The following IL13RA2 variants were observed in gnomAD, a reference collection of about 807,000 sequenced individuals.
IL13RA2 encodes the protein interleukin-13 receptor subunit alpha-2.
A neutral mutation model predicts 34.1 loss-of-function variants in IL13RA2; 25 were observed. The ratio of observed to expected loss-of-function variants is 0.73; its 90% CI spans 0.53 to 1.03. The LOEUF is 1.03. IL13RA2 is among the 50% of genes least tolerant of loss of function. The probability of loss-of-function intolerance (pLI) is 0.00; values close to 1 mark genes in which losing one functional copy is unlikely to be tolerated. For synonymous variants in IL13RA2, 106 were observed against 100.4 expected (o/e 1.06, Z -0.33); for missense variants, 297 against 280.9 (o/e 1.06, Z -0.41).
intron 4 of IL13RA2, 29 bp from the exon 5 acceptor site, chrX:115,013,918 GA>G: frequency 1.0e-6 from 1 of 981,839 alleles, no homozygotes. Context: ...GTGAATGTTT[GA>G]AAGGCTTGGT....
At chrX:115,013,732 T>G in intron 5 of IL13RA2, 37 bp downstream of exon 5, 1 of 798,477 alleles carries the variant, frequency 1.3e-6, no homozygotes, top group Non-Finnish European at 1.9e-6. Flanking sequence ...TGAGTAGACA[T>G]TTTTTAATAT....
At chrX:115,005,634 A>G (rs2071682594) in intron 8 of IL13RA2, among the ~76,000 whole-genome samples, 1 of 112,092 alleles carries the variant, frequency 8.9e-6, no homozygotes, top group African/African-American at 3.2e-5. Context: ...AAATGACAAA[A>G]TATTAGCCAA....
intron 2 of IL13RA2, among the ~76,000 whole-genome samples, chrX:115,016,954 C>T (rs1183247398): frequency 9.1e-6 from 1 of 110,207 alleles, no homozygotes; most frequent in African/African-American, 3.3e-5. Context: ...TGGCATTTAT[C>T]GCACAAAATG....
In IL13RA2 at chrX:115,010,581, A is replaced by G. The variant is rs1371133744; in HGVS notation, c.706+63T>C. 5.9e-6 allele frequency: 3 copies of G among 506,296 alleles called. No individual in the cohort carries two copies. The African/African-American group carries it at 7.3e-5, about 12-fold the overall frequency. 41.7% of individuals were successfully genotyped at this position (506,296 alleles called of 1,213,427 possible). ...CCTTTTTCTCTCTCTCACCCTCTCA[A>G]GTGGTTGTAAATGGCCTAAACTAGA... On this transcript the variant is annotated intron_variant, in intron 6 of 9. Coordinates refer to ENST00000243213, the MANE Select transcript of IL13RA2 (RefSeq NM_000640.3).
At position 115,009,628 on chromosome X, in the gene IL13RA2, C is replaced by T; in HGVS notation, c.745G>A (p.Glu249Lys). The change falls in exon 7 of 10, where the codon GAG (glutamate) becomes AAG (lysine). Residue 249 changes from glutamate to lysine, a missense_variant. Glu to Lys is a moderately conservative substitution (Grantham distance 56). Transcript: ENST00000243213. ...TTCAGCTTAATTTCACATGAACTCT[C>T]CCGAGTAAAAGTAAGATAGACTGGC... ...LPPVYLTFTRESSCEIKLKWS... is the reference protein window; with the variant it reads ...LPPVYLTFTRKSSCEIKLKWS... 1 of 1,204,614 alleles carries T rather than the reference C, an allele frequency of 8.3e-7. No homozygotes were observed. Among genetic ancestry groups the T allele is most frequent in the South Asian group, 1.8e-5 (1 of 56,673 alleles).
chrX:115,005,094 C>A, intron 9 of IL13RA2, 103 bp downstream of exon 9: 1 of 510,805 alleles, frequency 2.0e-6, no homozygotes, highest in Admixed American at 3.0e-5. Context: ...ACACCCACAG[C>A]GAACAAGCAA....
At position 115,014,476 on chromosome X, in the gene IL13RA2, A is replaced by G; in HGVS notation, c.345T>C (p.Asn115=). ...CCCAGGAACTTTGAACTTCTGATCC[A>G]TTTGTGCATTGCCATGGTAAAAGCG... The part of the protein sequence containing the change: ...IHTLLPWQCT[N]GSEVQSSWAE... Residue 115 remains asparagine, a synonymous_variant, in exon 4 of 10, where the codon AAT becomes AAC. Coordinates refer to ENST00000243213, the MANE Select transcript of IL13RA2 (RefSeq NM_000640.3). 1 of 1,191,199 alleles carries G rather than the reference A, an allele frequency of 8.4e-7. No individual in the cohort carries two copies. Among genetic ancestry groups the G allele is most frequent in the Non-Finnish European group, 1.1e-6 (1 of 879,232 alleles).
At chrX:115,012,848 A>G (rs369455026) in intron 5 of IL13RA2, among the ~76,000 whole-genome samples, 1 of 111,909 alleles carries the variant, frequency 8.9e-6, no homozygotes, top group East Asian at 2.8e-4. Flanking sequence ...AAGGTTAATG[A>G]AACTGGGGAG....
chrX:115,004,211 T>C (rs17094994), intron 9 of IL13RA2, 105 bp from the exon 10 acceptor site: 1 of 472,469 alleles, frequency 2.1e-6, no homozygotes, highest in African/African-American at 2.5e-5. Context: ...GCAAACAAAG[T>C]GAAGCATTCT....
intron 8 of IL13RA2, among the ~76,000 whole-genome samples, chrX:115,006,645 T>C (rs781986505): frequency 9.0e-6 from 1 of 111,431 alleles, no homozygotes; most frequent in East Asian, 2.8e-4. Flanking sequence ...ATCATGCCAC[T>C]GCACTCCAGC....
intron 7 of IL13RA2, among the ~76,000 whole-genome samples, 166 bp from the exon 8 acceptor site, chrX:115,008,242 G>T (rs2071692802): frequency 9.0e-6 from 1 of 111,337 alleles, no homozygotes; most frequent in African/African-American, 3.3e-5. Context: ...TCTGTATAGT[G>T]GGGGTTTTAA....
intron 3 of IL13RA2, 50 bp from the exon 4 acceptor site, chrX:115,014,624 AT>A: frequency 1.1e-6 from 1 of 918,358 alleles, no homozygotes; most frequent in East Asian, 3.1e-5. Flanking sequence ...CCTCCATGGT[AT>A]AGTGAGCTAT....
Position 115,015,767 on chromosome X carries a change from T to C in IL13RA2, c.149A>G (p.Tyr50Cys). The C allele has an allele frequency of 2.5e-6, 3 of 1,190,301 alleles. No individual in the cohort carries two copies. Among genetic ancestry groups the C allele is most frequent in the Non-Finnish European group, 2.3e-6 (2 of 875,834 alleles). ...AGACAGTGGGGGTTGCCATTGCAAA[T>C]AGAGATAACCTAAGTATCCGGGATC... ...IVDPGYLGYL[Y>C]LQWQPPLSLD... Residue 50 changes from tyrosine (Y) to cysteine (C), a missense_variant, in exon 3 of 10, where the codon TAT becomes TGT. By Grantham distance (194) the Tyr-to-Cys change is radical (BLOSUM62 -2). Coordinates refer to ENST00000243213, the MANE Select transcript of IL13RA2 (RefSeq NM_000640.3).
intron 2 of IL13RA2, 50 bp downstream of exon 2, chrX:115,017,126 T>C: frequency 1.6e-6 from 1 of 617,822 alleles, no homozygotes; most frequent in Non-Finnish European, 2.7e-6. Context: ...TAAAATCCAT[T>C]TAATTTTACT....
rs2071691925 is a variant in IL13RA2 at position 115,008,026 on chromosome X, G to C, written c.903C>G (p.Thr301=). 7 of 1,141,601 alleles carry C rather than the reference G, an allele frequency of 6.1e-6. No individual in the cohort carries two copies. Among genetic ancestry groups the C allele is most frequent in the Non-Finnish European group, 8.4e-6 (7 of 835,890 alleles). 94.1% of individuals were successfully genotyped at this position (1,141,601 alleles called of 1,213,427 possible). A position where few individuals can be genotyped will look rare whatever the true frequency, so the allele number is the denominator to read the frequency against. ...TTCTTACTACAAAGCATAATTGTCG[G>C]GTTTCATTTGTTGTTTTCAAGGTGT... ...ETYTLKTTNE[T]RQLCFVVRSK... is the part of the protein sequence containing the mutation. The change falls in exon 8 of 10, where the codon ACC becomes ACG. Residue 301 remains threonine (T), a synonymous_variant. Coordinates refer to ENST00000243213, the MANE Select transcript of IL13RA2 (RefSeq NM_000640.3).
intron 2 of IL13RA2, among the ~76,000 whole-genome samples, 167 bp from the exon 3 acceptor site, chrX:115,015,988 T>C (rs1348173212): frequency 8.9e-6 from 1 of 112,293 alleles, no homozygotes; most frequent in Non-Finnish European, 1.9e-5. Flanking sequence ...AAGTACTGAT[T>C]CATGCTACAA....
At chrX:115,004,186 G>A in intron 9 of IL13RA2, 80 bp from the exon 10 acceptor site, 1 of 537,678 alleles carries the variant, frequency 1.9e-6, no homozygotes, top group Non-Finnish European at 3.2e-6. Flanking sequence ...CAGAGAATAA[G>A]CACAAGAGCA....
At chrX:115,016,718 AATAAT>A (rs1400340190) in intron 2 of IL13RA2, among the ~76,000 whole-genome samples, 11 of 106,963 alleles carry the variant, frequency 1.0e-4, no homozygotes, top group Non-Finnish European at 1.5e-4. Flanking sequence ...CATTATATTA[AATAAT>A]ATAATATAAT....
intron 5 of IL13RA2, among the ~76,000 whole-genome samples, chrX:115,011,934 C>T (rs782162772): frequency 1.1e-4 from 12 of 112,053 alleles, no homozygotes; most frequent in African/African-American, 3.9e-4. Context: ...CACTGCCTGG[C>T]ATTTAAAAGA....
Sources: allele counts gnomAD v4.1 joint callset (sites outside exome capture counted in the v4.1 genomes callset), GRCh38; gene constraint gnomAD v4.1.1; transcripts MANE v1.5; gene names NCBI Gene and HGNC (gene_info 2026-07-23, HGNC 2026-07-21).